ROCK2: variants seen among roughly 807,000 people sequenced by gnomAD.
The protein encoded by ROCK2 is Rho associated coiled-coil containing protein kinase 2, also known as rho-associated protein kinase 2.
ROCK2 carries 61 observed loss-of-function variants against 195.1 expected under a neutral mutation model. The observed-to-expected ratio is 0.31, with a 90% confidence interval of 0.25 to 0.39. The LOEUF (loss-of-function observed/expected upper bound fraction) is 0.39. Among genes scored for constraint, ROCK2 ranks in the 10% least tolerant of loss-of-function variants. ROCK2 has a pLI of 1.00. For missense variants in ROCK2, 1,109 were observed against 1,637.4 expected (o/e 0.68, Z 5.57); for synonymous variants, 504 against 545.5 (o/e 0.92, Z 1.06).
intron 4 of ROCK2, among the ~76,000 whole-genome samples, chr2:11,242,810 T>C (rs555658939): frequency 9.8e-4 from 149 of 152,268 alleles, no homozygotes; most frequent in Non-Finnish European, 1.5e-3. Context: ...CCTGCACACC[T>C]TGTGCTCCAC....
At chr2:11,243,861 T>C (rs1445954762) in intron 4 of ROCK2, among the ~76,000 whole-genome samples, 2 of 152,252 alleles carry the variant, frequency 1.3e-5, no homozygotes, top group African/African-American at 4.8e-5. Context: ...GGTTCATTCA[T>C]ACATTTGTAA....
chr2:11,236,336 G>A (rs2148106480), intron 4 of ROCK2, among the ~76,000 whole-genome samples: 1 of 152,132 alleles, frequency 6.6e-6, no homozygotes, highest in East Asian at 1.9e-4. Context: ...ACAAACTACT[G>A]CACCTAACTC....
chr2:11,198,883 CT>C (rs34674935), intron 23 of ROCK2, 109 bp from the exon 24 acceptor site: 18,767 of 473,020 alleles, frequency 0.04, no homozygotes, highest in South Asian at 0.047. Flanking sequence ...TCTTATTTTT[CT>C]TTTTTTTTTT....
chr2:11,200,854 A>T, intron 23 of ROCK2, 103 bp downstream of exon 23: 1 of 984,130 alleles, frequency 1.0e-6, no homozygotes, highest in Non-Finnish European at 1.5e-6. Context: ...TAGTCAGCAT[A>T]TATAATTTTT....
chr2:11,309,407 A>G (rs1485705466), intron 1 of ROCK2, among the ~76,000 whole-genome samples: 2 of 152,202 alleles, frequency 1.3e-5, no homozygotes, highest in Non-Finnish European at 2.9e-5. Flanking sequence ...GTGTGTGCAT[A>G]TGCAGTATAC....
chr2:11,238,245 T>TGTGTGTG (rs11377542), intron 4 of ROCK2, among the ~76,000 whole-genome samples: 9 of 38,422 alleles, frequency 2.3e-4, no homozygotes, highest in African/African-American at 4.3e-4. Context: ...TGTGTGTCTG[T>TGTGTGTG]TGTGTGTGTC....
At chr2:11,291,193 C>T (rs1667351881) in intron 1 of ROCK2, among the ~76,000 whole-genome samples, 1 of 152,222 alleles carries the variant, frequency 6.6e-6, no homozygotes, top group Non-Finnish European at 1.5e-5. Flanking sequence ...TTTTATACTT[C>T]AGTTGTCAAG....
chr2:11,202,494 AATT>A (rs963873289), intron 20 of ROCK2, among the ~76,000 whole-genome samples: 1 of 150,018 alleles, frequency 6.7e-6, no homozygotes, highest in Non-Finnish European at 1.5e-5. Flanking sequence ...TAATAATAAT[AATT>A]ATTATTATTT....
chr2:11,332,133 C>T (rs1572420216), intron 1 of ROCK2, among the ~76,000 whole-genome samples: 1 of 151,650 alleles, frequency 6.6e-6, no homozygotes, highest in Admixed American at 6.6e-5. Context: ...GAGTGAGACC[C>T]CATCTCTTAA....
At chr2:11,289,535 G>A (rs1667298157) in intron 1 of ROCK2, among the ~76,000 whole-genome samples, 1 of 152,066 alleles carries the variant, frequency 6.6e-6, no homozygotes, top group Admixed American at 6.6e-5. Flanking sequence ...AGAAGAAAAA[G>A]AAGAAAAATA....
rs1662934293 is a variant in ROCK2, at chr2:11,180,343, T to C, written c.*3094A>G. 1 of 152,176 alleles carries C rather than the reference T, an allele frequency of 6.6e-6. No homozygotes were observed. Among genetic ancestry groups the C allele is most frequent in the African/African-American group, 2.4e-5 (1 of 41,458 alleles). The allele number at this position is 152,176 out of a possible 1,614,324, so 9.4% of individuals were successfully genotyped here. ...TATATATAAATGGATGCAAAATAGA[T>C]ACTTTAGAGCCAGATTCATGTAACT... On this transcript the variant is annotated 3_prime_UTR_variant, in exon 33 of 33. Coordinates refer to ENST00000315872, the MANE Select transcript of ROCK2 (RefSeq NM_004850.5).
intron 1 of ROCK2, among the ~76,000 whole-genome samples, chr2:11,329,988 C>T (rs1668668701): frequency 6.6e-6 from 1 of 152,130 alleles, no homozygotes; most frequent in Non-Finnish European, 1.5e-5. Flanking sequence ...AAATTAATTG[C>T]ATTTTTTTCA....
At chr2:11,237,724 G>T (rs557347953) in intron 4 of ROCK2, among the ~76,000 whole-genome samples, 1 of 152,302 alleles carries the variant, frequency 6.6e-6, no homozygotes, top group East Asian at 1.9e-4. Context: ...ATGACAAAAT[G>T]AAATTTTATA....
rs1482220725 is a variant in ROCK2 at position 11,321,704 on chromosome 2, A to G, written c.141+22292T>C. 4.6e-5 allele frequency among the ~76,000 whole-genome samples: 7 copies of G among 152,112 alleles called. No individual in the cohort carries two copies. The East Asian group carries it at 1.2e-3, about 25-fold the overall frequency. ...GAAAGCGACCAGTTTACACTGATCA[A>G]AGGAGGAAGGATCACAACAAAAACT... is the stretch of plus-strand genomic sequence containing the variant. On this transcript the variant is annotated intron_variant, in intron 1 of 32. Transcript: ENST00000315872.
Position 11,216,184 on chromosome 2 carries a change from T to C in ROCK2, c.1435A>G (p.Lys479Glu). ...KCKSVNTRLE[K>E]TAKELEEEIT... ...TCCTCTTCTAGCTCCTTTGCTGTTT[T>C]TTCTAGGCGAGTATTAACAGATCTA... Residue 479 changes from lysine to glutamate, a missense_variant, in exon 13 of 33, where the codon AAA becomes GAA. Lys to Glu is a moderately conservative substitution (Grantham distance 56, BLOSUM62 1). Transcript: ENST00000315872. 11 of 1,612,692 alleles carry C rather than the reference T, an allele frequency of 6.8e-6. No individual in the cohort carries two copies. The highest frequency in any genetic ancestry group is 9.3e-6 in the Non-Finnish European group (11 of 1,178,814).
At chr2:11,299,838 T>A (rs567960261) in intron 1 of ROCK2, among the ~76,000 whole-genome samples, 1 of 152,342 alleles carries the variant, frequency 6.6e-6, no homozygotes, top group South Asian at 2.1e-4. Context: ...GCACAACTCA[T>A]CCTTACCCAG....
At chr2:11,221,065 ATTC>A (rs1347364562) in intron 9 of ROCK2, 130 bp downstream of exon 9, 1 of 562,778 alleles carries the variant, frequency 1.8e-6, no homozygotes, top group African/African-American at 2.0e-5. Context: ...AAAATTAAGA[ATTC>A]TTCTGATGAT....
rs182689876 is a variant in ROCK2, at chr2:11,221,209, A to G, written c.1248T>C (p.Tyr416=). The change falls in exon 9 of 33, where the codon TAT becomes TAC. Residue 416 remains tyrosine (Y), a synonymous_variant. Transcript: ENST00000315872. ...AATAAACCACATACAAATTTTCTCT[A>G]TAGTAGGTAAATCCGATGAAAGGCA... is the stretch of plus-strand genomic sequence containing the variant. ...NQLPFIGFTY[Y]RENLLLSDSP... 382 of 1,570,488 alleles carry G rather than the reference A, an allele frequency of 2.4e-4. 2 individuals are homozygous for G. In the African/African-American group the frequency reaches 4.9e-3, roughly 20 times the overall value.
intron 3 of ROCK2, among the ~76,000 whole-genome samples, chr2:11,284,727 T>C (rs535414010): frequency 6.6e-6 from 1 of 152,312 alleles, no homozygotes; most frequent in East Asian, 1.9e-4. Context: ...CTTGCCTGCT[T>C]ACAATCCAAG....
Sources: gnomAD v4.1 joint callset for allele counts (sites outside exome capture counted in the v4.1 genomes callset) on GRCh38, gnomAD v4.1.1 for gene constraint, MANE v1.5 for transcripts, NCBI Gene and HGNC (gene_info 2026-07-23, HGNC 2026-07-21) for gene names.